The following RABEP1 variants were observed in gnomAD, a reference collection of about 807,000 sequenced individuals.
RABEP1 encodes rabaptin, RAB GTPase binding effector protein 1.
RABEP1 carries 51 observed loss-of-function variants against 123.4 expected under a neutral mutation model. The ratio of observed to expected loss-of-function variants is 0.41; its 90% CI spans 0.33 to 0.52. The LOEUF (loss-of-function observed/expected upper bound fraction) is 0.52, where lower values mean the gene tolerates loss of function less well. Among genes scored for constraint, RABEP1 ranks in the 20% least tolerant of loss-of-function variants. The pLI is 0.16. For missense variants in RABEP1, 888 were observed against 996.3 expected (o/e 0.89, Z 1.46); for synonymous variants, 347 against 355.2 (o/e 0.98, Z 0.26).
chr17:5,350,073 C>G (rs1358066807), intron 6 of RABEP1, among the ~76,000 whole-genome samples: 1 of 152,052 alleles, frequency 6.6e-6, no homozygotes, highest in Non-Finnish European at 1.5e-5. Flanking sequence ...GCTAGGAGCC[C>G]TGTGCTAAAG....
intron 1 of RABEP1, among the ~76,000 whole-genome samples, chr17:5,303,126 C>G (rs1323654323): frequency 1.3e-5 from 2 of 152,092 alleles, no homozygotes; most frequent in African/African-American, 4.8e-5. Context: ...GTAGCTCATA[C>G]TGTGCTATGT....
intron 2 of RABEP1, among the ~76,000 whole-genome samples, chr17:5,323,750 A>G (rs1905643473): frequency 7.8e-6 from 1 of 128,464 alleles, no homozygotes; most frequent in Non-Finnish European, 1.6e-5. Context: ...GAATATATAT[A>G]TATCTAGGAA....
intron 2 of RABEP1, among the ~76,000 whole-genome samples, chr17:5,315,982 CTT>C (rs2075291418): frequency 6.6e-6 from 1 of 152,132 alleles, no homozygotes; most frequent in African/African-American, 2.4e-5. Flanking sequence ...ACAGGAGATA[CTT>C]CATAAACACC....
rs1228252344 is a variant in RABEP1, at chr17:5,354,506, AATT to A, written c.1095+18_1095+20del. ...AAATGAAGAGGTATAGTGAGTCTAT[AATT>A]AAAGTCATTAAATACACAATGTCAA... On this transcript the variant is annotated intron_variant, in intron 8 of 17. Coordinates refer to ENST00000537505, the MANE Select transcript of RABEP1 (RefSeq NM_004703.6). The A allele has an allele frequency of 6.9e-6, 11 of 1,586,852 alleles. No individual in the cohort carries two copies. The African/African-American group carries it at 1.4e-4, about 20-fold the overall frequency.
chr17:5,343,735 G>A (rs895758583), intron 5 of RABEP1, among the ~76,000 whole-genome samples: 3 of 140,646 alleles, frequency 2.1e-5, no homozygotes, highest in African/African-American at 8.2e-5. Context: ...GAGTGTAGTG[G>A]CATGATCTTG....
intron 2 of RABEP1, among the ~76,000 whole-genome samples, chr17:5,328,470 C>T (rs894660392): frequency 6.6e-6 from 1 of 151,258 alleles, no homozygotes; most frequent in African/African-American, 2.4e-5. Context: ...CATGACAAAA[C>T]TCCCTCTCTA....
intron 2 of RABEP1, among the ~76,000 whole-genome samples, chr17:5,328,515 A>G (rs1359580951): frequency 6.6e-6 from 1 of 151,934 alleles, no homozygotes; most frequent in Non-Finnish European, 1.5e-5. Flanking sequence ...GTGTATTGGC[A>G]TGTGCCTATA....
At chr17:5,379,182 TC>T (rs1245329126) in intron 15 of RABEP1, among the ~76,000 whole-genome samples, 16 of 152,202 alleles carry the variant, frequency 1.1e-4, no homozygotes, top group African/African-American at 3.6e-4. Flanking sequence ...GCCTCACTCC[TC>T]AGGCATCAGG....
At chr17:5,339,506 C>T (rs149888163) in intron 5 of RABEP1, among the ~76,000 whole-genome samples, 1 of 152,202 alleles carries the variant, frequency 6.6e-6, no homozygotes, top group East Asian at 1.9e-4. Context: ...GAGACTCTGT[C>T]TTAAAAGAAG....
chr17:5,308,316 C>G (rs1418673774), intron 1 of RABEP1, among the ~76,000 whole-genome samples: 1 of 151,472 alleles, frequency 6.6e-6, no homozygotes, highest in Non-Finnish European at 1.5e-5. Context: ...ACCTCCGCCT[C>G]CCGGGTTCAA....
intron 2 of RABEP1, among the ~76,000 whole-genome samples, chr17:5,329,818 C>CATAT (rs61446536): frequency 0.013 from 1,848 of 143,034 alleles, 29 homozygotes; most frequent in African/African-American, 0.025. Flanking sequence ...TATATATGTT[C>CATAT]ATATATATAT....
At chr17:5,361,777 C>G in intron 9 of RABEP1, 102 bp downstream of exon 9, 1 of 988,486 alleles carries the variant, frequency 1.0e-6, no homozygotes, top group Non-Finnish European at 1.5e-6. Context: ...GGAGTCAGTG[C>G]AGGCACATGT....
In RABEP1 at chr17:5,338,213, T is replaced by C. The variant is rs1310537387; in HGVS notation, c.648+75T>C. On this transcript the variant is annotated intron_variant, in intron 5 of 17. Transcript: ENST00000537505. ...ATGCCATGAACAAAATTAGAATCAGTAATAGGGAAAAAAACCTGTAATTTA... is the reference window on the plus strand; with the variant it reads ...ATGCCATGAACAAAATTAGAATCAGCAATAGGGAAAAAAACCTGTAATTTA... 1.2e-5 allele frequency: 18 copies of C among 1,452,556 alleles called. No individual in the cohort carries two copies. In the Admixed American group the frequency reaches 4.1e-4, roughly 33 times the overall value. 90.0% of individuals were successfully genotyped at this position (1,452,556 alleles called of 1,614,324 possible). A position where few individuals can be genotyped will look rare whatever the true frequency, so the allele number is the denominator to read the frequency against.
rs776659354 is a variant in RABEP1, at chr17:5,308,711, G to A, written c.52G>A (p.Val18Ile). 18 of 1,611,600 alleles carry A rather than the reference G, an allele frequency of 1.1e-5. No homozygotes were observed. The highest frequency in any genetic ancestry group is 4.5e-5 in the East Asian group (2 of 44,798). ...TCCCCCAGTTTCTCTTCAGCAACGGGTAGCAGAATTGGAAAAAATTAATGC... is the reference window on the plus strand; with the variant it reads ...TCCCCCAGTTTCTCTTCAGCAACGGATAGCAGAATTGGAAAAAATTAATGC... The part of the protein sequence containing the change: ...SQPDVSLQQR[V>I]AELEKINAEF... Residue 18 changes from valine to isoleucine, a missense_variant, in exon 2 of 18, where the codon GTA becomes ATA. Physicochemically the swap from Val to Ile is conservative, Grantham distance 29. Transcript: ENST00000537505.
At chr17:5,373,078 G>T (rs1454522277) in intron 12 of RABEP1, among the ~76,000 whole-genome samples, 7 of 152,124 alleles carry the variant, frequency 4.6e-5, no homozygotes, top group Non-Finnish European at 1.0e-4. Flanking sequence ...ATTTTTAAGC[G>T]GTTTGTAGAA....
intron 15 of RABEP1, among the ~76,000 whole-genome samples, chr17:5,379,517 A>T (rs1010019631): frequency 1.5e-4 from 23 of 152,188 alleles, no homozygotes; most frequent in African/African-American, 5.3e-4. Context: ...CTTGATCATC[A>T]TCACTGCCTG....
At chr17:5,347,725 A>G (rs1180865632) in intron 6 of RABEP1, among the ~76,000 whole-genome samples, 1 of 152,206 alleles carries the variant, frequency 6.6e-6, no homozygotes, top group Non-Finnish European at 1.5e-5. Context: ...AAAATAACCC[A>G]AACTTTGAGT....
chr17:5,319,927 A>C (rs566004245), intron 2 of RABEP1, among the ~76,000 whole-genome samples: 2 of 152,206 alleles, frequency 1.3e-5, no homozygotes, highest in Non-Finnish European at 2.9e-5. Flanking sequence ...TTGGTCTTCA[A>C]GAGGGAGTTG....
chr17:5,351,733 G>A (rs894414117), intron 7 of RABEP1, among the ~76,000 whole-genome samples: 7 of 152,110 alleles, frequency 4.6e-5, no homozygotes, highest in African/African-American at 1.4e-4. Flanking sequence ...TCCGGGAGGC[G>A]GAGGCTGCAG....
Sources: gnomAD v4.1 joint callset for allele counts (sites outside exome capture counted in the v4.1 genomes callset) on GRCh38, gnomAD v4.1.1 for gene constraint, MANE v1.5 for transcripts, NCBI Gene and HGNC (gene_info 2026-07-23, HGNC 2026-07-21) for gene names.